Variants in C16orf96 observed in about 807,000 individuals in gnomAD.
The protein encoded by C16orf96 is uncharacterized protein C16orf96.
In C16orf96, 108 loss-of-function variants were observed where a neutral mutation model predicts 103.6. The ratio of observed to expected loss-of-function variants is 1.04; its 90% CI spans 0.89 to 1.22. The LOEUF is 1.22. C16orf96 is among the 50% of genes most tolerant of loss of function. C16orf96 has a pLI of 0.00. For missense variants in C16orf96, 1,586 were observed against 1,464.2 expected (o/e 1.08, Z -1.36); for synonymous variants, 566 against 593.5 (o/e 0.95, Z 0.67).
Position 4,600,358 on chromosome 16 carries a change from C to T in C16orf96, c.*41C>T, listed in dbSNP as rs375763548. 7.8e-3 allele frequency: 11,159 copies of T among 1,423,548 alleles called. 70 individuals carry two copies. Among genetic ancestry groups the T allele is most frequent in the Middle Eastern group, 0.025 (103 of 4,160 alleles). 88.2% of individuals were successfully genotyped at this position (1,423,548 alleles called of 1,614,324 possible). On this transcript the variant is annotated 3_prime_UTR_variant, in exon 16 of 16. Coordinates refer to ENST00000444310, the MANE Select transcript of C16orf96 (RefSeq NM_001145011.2). Reference sequence around the variant, plus strand: ...GCCCCCCATCGCCAAGTCCCCTCCACGTCCGAGGCTGAGGCCCATGTGGCC... The same window carrying T: ...GCCCCCCATCGCCAAGTCCCCTCCATGTCCGAGGCTGAGGCCCATGTGGCC...
At chr16:4,585,223 G>C (rs1896892786) in intron 7 of C16orf96, among the ~76,000 whole-genome samples, 1 of 150,688 alleles carries the variant, frequency 6.6e-6, no homozygotes, top group Non-Finnish European at 1.5e-5. Flanking sequence ...GAGGCTGATG[G>C]GGGAGGATCC....
chr16:4,588,727 A>C (rs7187814), intron 9 of C16orf96, among the ~76,000 whole-genome samples: 1 of 131,448 alleles, frequency 7.6e-6, no homozygotes. Flanking sequence ...TTTTTTTTTC[A>C]TACAGGGCCT....
At chr16:4,552,788 A>G (rs1001026504), upstream of C16orf96, among the ~76,000 whole-genome samples, 1 of 152,194 alleles carries the variant, frequency 6.6e-6, no homozygotes, top group Non-Finnish European at 1.5e-5. Flanking sequence ...GTCAGAGCAG[A>G]TGAGAGATCT....
At chr16:4,543,462 C>G in the C16orf96 span, among the ~76,000 whole-genome samples, 1 of 151,920 alleles carries the variant, frequency 6.6e-6, no homozygotes, top group African/African-American at 2.4e-5. Flanking sequence ...AGTAATATGA[C>G]TAGATTCTTG....
At chr16:4,595,686 G>T (rs574466921) in intron 14 of C16orf96, among the ~76,000 whole-genome samples, 47 of 59,690 alleles carry the variant, frequency 7.9e-4, no homozygotes, top group African/African-American at 1.7e-3. Flanking sequence ...AGAAATTCTG[G>T]TTTTTTGTTG....
At chr16:4,550,893 C>A in the C16orf96 span, among the ~76,000 whole-genome samples, 1 of 152,226 alleles carries the variant, frequency 6.6e-6, no homozygotes, top group African/African-American at 2.4e-5. Flanking sequence ...CCCACTGGAG[C>A]TGAGCCAGCA....
intron 12 of C16orf96, 80 bp from the exon 13 acceptor site, chr16:4,594,271 C>A: frequency 6.8e-7 from 1 of 1,465,864 alleles, no homozygotes; most frequent in Non-Finnish European, 9.2e-7. Flanking sequence ...TCCCTCGATG[C>A]TGGCCAGGCC....
rs746608798 is a variant in C16orf96, at chr16:4,576,057, A to G, written c.1577A>G (p.Asp526Gly). ...GACCCCAAGGATAGAGCTCACAAGG[A>G]TGATGTCCCCAAAGATAGAGGTGGC... ...DVDPKDRAHK[D>G]DVPKDRGGKD... Residue 526 changes from aspartate (D) to glycine (G), a missense_variant, in exon 5 of 16, where the codon GAT becomes GGT. By Grantham distance (94) the Asp-to-Gly change is moderately conservative. Coordinates refer to ENST00000444310, the MANE Select transcript of C16orf96 (RefSeq NM_001145011.2). 13 of 1,551,288 alleles carry G rather than the reference A, an allele frequency of 8.4e-6. No individual in the cohort carries two copies. In the South Asian group the frequency reaches 1.5e-4, roughly 18 times the overall value.
At chr16:4,562,543 TTTTG>T (rs1274774602) in intron 1 of C16orf96, among the ~76,000 whole-genome samples, 7 of 152,330 alleles carry the variant, frequency 4.6e-5, no homozygotes, top group East Asian at 3.9e-4. Context: ...CACTCAATTT[TTTTG>T]TTTGTCTTTA....
chr16:4,552,301 G>T (rs1465502207), upstream of C16orf96, among the ~76,000 whole-genome samples: 1 of 152,014 alleles, frequency 6.6e-6, no homozygotes, highest in Non-Finnish European at 1.5e-5. Context: ...GGGCAACGTG[G>T]TGAAACCCCA....
At position 4,575,884 on chromosome 16, in the gene C16orf96, C is replaced by G; in HGVS notation, c.1404C>G (p.Gly468=). Reference sequence around the variant, plus strand: ...AAAATGATGTCCCCAGCCTAAGGGGCCTTCGGGAGAGGGCCCGCAAGGATG... The same window carrying G: ...AAAATGATGTCCCCAGCCTAAGGGGGCTTCGGGAGAGGGCCCGCAAGGATG... The part of the protein sequence containing the change: ...GEENDVPSLR[G]LRERARKDGA... The change falls in exon 5 of 16, where the codon GGC becomes GGG. Residue 468 remains glycine, a synonymous_variant. Coordinates refer to ENST00000444310, the MANE Select transcript of C16orf96 (RefSeq NM_001145011.2). The G allele has an allele frequency of 6.4e-7, 1 of 1,551,566 alleles. No individual in the cohort carries two copies. The highest frequency in any genetic ancestry group is 8.7e-7 in the Non-Finnish European group (1 of 1,146,988).
At chr16:4,585,657 G>A (rs8058409) in intron 7 of C16orf96, among the ~76,000 whole-genome samples, 17 of 152,196 alleles carry the variant, frequency 1.1e-4, no homozygotes, top group African/African-American at 3.1e-4. Context: ...CGGTTGCTGC[G>A]GCAAATCACT....
At chr16:4,547,986 G>C in the C16orf96 span, among the ~76,000 whole-genome samples, 1 of 151,916 alleles carries the variant, frequency 6.6e-6, no homozygotes, top group African/African-American at 2.4e-5. Context: ...TGATTGTCAT[G>C]GTGTTTGCAA....
At chr16:4,567,581 C>A (rs189118417) in intron 1 of C16orf96, among the ~76,000 whole-genome samples, 272 of 151,468 alleles carry the variant, frequency 1.8e-3, no homozygotes, top group African/African-American at 4.8e-3. Context: ...CCGCGCCCGG[C>A]CTTCTTTGAC....
intron 14 of C16orf96, among the ~76,000 whole-genome samples, 195 bp from the exon 15 acceptor site, chr16:4,599,089 G>C (rs2141771931): frequency 6.7e-6 from 1 of 150,068 alleles, no homozygotes; most frequent in African/African-American, 2.5e-5. Context: ...ACAGAGCGGA[G>C]ACCCTGCCTC....
intron 7 of C16orf96, among the ~76,000 whole-genome samples, 186 bp downstream of exon 7, chr16:4,580,311 C>CCA (rs932880169): frequency 3.6e-4 from 8 of 22,268 alleles, no homozygotes; most frequent in South Asian, 2.9e-3. Context: ...AATCCCACCA[C>CCA]CCCCCCCCAC....
At chr16:4,557,127 AC>A (rs1156373162) in intron 1 of C16orf96, among the ~76,000 whole-genome samples, 1 of 151,814 alleles carries the variant, frequency 6.6e-6, no homozygotes, top group Non-Finnish European at 1.5e-5. Context: ...ATGCCACCAC[AC>A]CCGGCTAATT....
intron 14 of C16orf96, among the ~76,000 whole-genome samples, chr16:4,596,721 A>C (rs1019530259): frequency 6.6e-6 from 1 of 152,120 alleles, no homozygotes; most frequent in African/African-American, 2.4e-5. Context: ...GAACAGAACA[A>C]AACCAAACAA....
intron 1 of C16orf96, among the ~76,000 whole-genome samples, chr16:4,565,765 A>G (rs2059380243): frequency 6.6e-6 from 1 of 152,196 alleles, no homozygotes; most frequent in South Asian, 2.1e-4. Context: ...CTGGGATTAC[A>G]GACATCAGCC....
Sources: gnomAD v4.1 joint callset for allele counts (sites outside exome capture counted in the v4.1 genomes callset) on GRCh38, gnomAD v4.1.1 for gene constraint, MANE v1.5 for transcripts, NCBI Gene and HGNC (gene_info 2026-07-23, HGNC 2026-07-21) for gene names.